The following NCALD variants were observed in gnomAD, a reference collection of about 807,000 sequenced individuals.
NCALD encodes neurocalcin delta.
In NCALD, 10 loss-of-function variants were observed where a neutral mutation model predicts 18.6. That is an observed-to-expected ratio of 0.54 (90% CI 0.33 to 0.91). NCALD has a LOEUF of 0.91. Ranked by LOEUF, NCALD falls within the 40% of genes least tolerant of loss-of-function variation. The pLI is 0.03. For synonymous variants in NCALD, 88 were observed against 87.4 expected, an observed-to-expected ratio of 1.01 and a Z score of -0.04; for missense variants, 184 against 247.6, an observed-to-expected ratio of 0.74 and a Z score of 1.72.
intron 2 of NCALD, among the ~76,000 whole-genome samples, chr8:101,718,432 C>G (rs1423925650): frequency 1.3e-5 from 2 of 152,052 alleles, no homozygotes; most frequent in African/African-American, 4.8e-5. Context: ...AAACTGGATT[C>G]CACAGAAAAG....
intron 2 of NCALD, among the ~76,000 whole-genome samples, chr8:101,922,967 A>C (rs1424210473): frequency 6.6e-6 from 1 of 152,200 alleles, no homozygotes; most frequent in East Asian, 1.9e-4. Context: ...TGTACCTAGG[A>C]AAGTGAAACT....
chr8:102,123,085 T>C (rs1825989800), intron 1 of NCALD, among the ~76,000 whole-genome samples: 1 of 152,162 alleles, frequency 6.6e-6, no homozygotes, highest in South Asian at 2.1e-4. Flanking sequence ...CCAATTGGAG[T>C]GAAAAACCTC....
At chr8:101,788,363 TA>T (rs1812315522) in intron 1 of NCALD, among the ~76,000 whole-genome samples, 3 of 152,194 alleles carry the variant, frequency 2.0e-5, no homozygotes, top group African/African-American at 7.2e-5. Context: ...AATTAAAATG[TA>T]GGCCACAAGC....
intron 1 of NCALD, among the ~76,000 whole-genome samples, chr8:102,035,288 A>G (rs1416439806): frequency 6.6e-6 from 1 of 152,174 alleles, no homozygotes; most frequent in African/African-American, 2.4e-5. Context: ...TCTTCCTTAT[A>G]TTAACCCAAA....
At chr8:101,988,879 G>A (rs1181467714) in intron 2 of NCALD, among the ~76,000 whole-genome samples, 5 of 126,018 alleles carry the variant, frequency 4.0e-5, no homozygotes, top group South Asian at 2.8e-4. Context: ...CTGGATAAAT[G>A]AGCTAGACAG....
intron 1 of NCALD, among the ~76,000 whole-genome samples, chr8:102,086,678 C>T (rs1824747839): frequency 6.6e-6 from 1 of 152,248 alleles, no homozygotes; most frequent in South Asian, 2.1e-4. Context: ...ACACCTCAAC[C>T]CTGTCAGAGG....
chr8:102,050,025 G>T (rs1312163139), intron 1 of NCALD, among the ~76,000 whole-genome samples: 1 of 149,942 alleles, frequency 6.7e-6, no homozygotes, highest in South Asian at 2.2e-4. Context: ...AGCCGGGCGC[G>T]GTGGCGGGCG....
chr8:102,078,315 T>C (rs1039832779), intron 1 of NCALD, among the ~76,000 whole-genome samples: 3 of 152,222 alleles, frequency 2.0e-5, no homozygotes, highest in Non-Finnish European at 4.4e-5. Context: ...ATTACTGTAA[T>C]AGTCAGCTAC....
intron 2 of NCALD, among the ~76,000 whole-genome samples, chr8:102,001,022 C>A (rs140522102): frequency 0.02 from 3,120 of 152,296 alleles, 103 homozygotes; most frequent in African/African-American, 0.069. Context: ...CAAAGCCAGA[C>A]GGAGAATGAC....
At chr8:101,785,375 C>T (rs1342415470) in intron 1 of NCALD, among the ~76,000 whole-genome samples, 3 of 152,130 alleles carry the variant, frequency 2.0e-5, no homozygotes, top group Non-Finnish European at 1.5e-5. Context: ...AGTAAATTGA[C>T]TCAAAAATCC....
intron 3 of NCALD, among the ~76,000 whole-genome samples, chr8:101,913,847 G>T (rs2131616592): frequency 6.6e-6 from 1 of 152,308 alleles, no homozygotes; most frequent in South Asian, 2.1e-4. Context: ...CTCCCAAAGT[G>T]CTAGGATTAC....
intron 1 of NCALD, among the ~76,000 whole-genome samples, chr8:101,759,702 C>A (rs2130824067): frequency 6.6e-6 from 1 of 152,270 alleles, no homozygotes; most frequent in South Asian, 2.1e-4. Context: ...GACAAAATTA[C>A]CAAAGTTTCA....
chr8:101,923,332 T>C (rs1407346734), intron 2 of NCALD, among the ~76,000 whole-genome samples: 1 of 152,222 alleles, frequency 6.6e-6, no homozygotes, highest in East Asian at 1.9e-4. Flanking sequence ...ATCTTGCTAA[T>C]CTATCTCACT....
At chr8:101,944,593 A>G (rs1480743666) in intron 2 of NCALD, among the ~76,000 whole-genome samples, 1 of 152,178 alleles carries the variant, frequency 6.6e-6, no homozygotes, top group African/African-American at 2.4e-5. Flanking sequence ...TCTATGCCCT[A>G]TACCTGTATC....
At chr8:102,005,619 A>G (rs1489621909) in intron 2 of NCALD, among the ~76,000 whole-genome samples, 1 of 152,208 alleles carries the variant, frequency 6.6e-6, no homozygotes, top group African/African-American at 2.4e-5. Flanking sequence ...AAAGACTTGG[A>G]ACTAACCCAA....
At chr8:101,917,595 C>CA (rs972482728) in intron 2 of NCALD, among the ~76,000 whole-genome samples, 16 of 145,338 alleles carry the variant, frequency 1.1e-4, no homozygotes, top group Admixed American at 5.4e-4. Flanking sequence ...GCTAGATTAA[C>CA]AAAAAAAAAG....
intron 1 of NCALD, among the ~76,000 whole-genome samples, chr8:102,038,459 G>T (rs1349043183): frequency 6.6e-6 from 1 of 152,130 alleles, no homozygotes; most frequent in Non-Finnish European, 1.5e-5. Context: ...CAAGGATGCT[G>T]CATCAACTTT....
chr8:101,697,736 T>C (rs1420483405), intron 2 of NCALD, among the ~76,000 whole-genome samples: 6 of 151,432 alleles, frequency 4.0e-5, no homozygotes, highest in Non-Finnish European at 8.9e-5. Flanking sequence ...AGGCCTTTGA[T>C]AAAGGCCTTC....
chr8:101,933,927 A>G (rs1818665390), intron 2 of NCALD, among the ~76,000 whole-genome samples: 1 of 152,234 alleles, frequency 6.6e-6, no homozygotes, highest in Non-Finnish European at 1.5e-5. Flanking sequence ...AATATATGAT[A>G]GTGGCTTGGA....
Sources: gnomAD v4.1 joint callset for allele counts (sites outside exome capture counted in the v4.1 genomes callset) on GRCh38, gnomAD v4.1.1 for gene constraint, MANE v1.5 for transcripts, NCBI Gene and HGNC (gene_info 2026-07-23, HGNC 2026-07-21) for gene names.